TACC2: variants seen among roughly 807,000 people sequenced by gnomAD.
TACC2 encodes the protein transforming acidic coiled-coil containing protein 2, also known as transforming acidic coiled-coil-containing protein 2.
Under a neutral mutation model 227.3 loss-of-function variants are expected in TACC2, and 137 were observed. The observed-to-expected ratio is 0.60, with a 90% CI of 0.52 to 0.69. The LOEUF is 0.69. Ranked by LOEUF, TACC2 falls within the 30% of genes least tolerant of loss-of-function variation. The probability of loss-of-function intolerance (pLI) is 0.00; values close to 1 mark genes in which losing one functional copy is unlikely to be tolerated. For missense variants in TACC2, 3,470 were observed against 3,694.4 expected, an observed-to-expected ratio of 0.94 and a Z score of 1.57; for synonymous variants, 1,523 against 1,487.5, an observed-to-expected ratio of 1.02 and a Z score of -0.55.
At chr10:122,235,409 AT>A (rs2095839112) in intron 16 of TACC2, among the ~76,000 whole-genome samples, 1 of 149,530 alleles carries the variant, frequency 6.7e-6, no homozygotes, top group Admixed American at 6.7e-5. Context: ...TTTATTAAAA[AT>A]TTTTCTAGAG....
chr10:122,208,506 A>T (rs2095200961), intron 8 of TACC2, among the ~76,000 whole-genome samples: 1 of 152,238 alleles, frequency 6.6e-6, no homozygotes, highest in South Asian at 2.1e-4. Context: ...AGACCAGTTC[A>T]GGGGTTAATT....
chr10:122,135,067 T>C (rs2089308349), intron 6 of TACC2, among the ~76,000 whole-genome samples: 2 of 152,204 alleles, frequency 1.3e-5, no homozygotes. Flanking sequence ...TGGGAACTGC[T>C]GTCATGGCTG....
At chr10:122,088,355 A>AT (rs11442094) in intron 4 of TACC2, 123 bp from the exon 5 acceptor site, 261,985 of 759,790 alleles carry the variant, frequency 0.34, 14,063 homozygotes, top group East Asian at 0.5. Flanking sequence ...TTTCCTAGGG[A>AT]TTTTTTTTTT....
At chr10:122,171,162 G>A (rs373850541) in intron 7 of TACC2, among the ~76,000 whole-genome samples, 88 of 152,268 alleles carry the variant, frequency 5.8e-4, no homozygotes, top group African/African-American at 2.1e-3. Flanking sequence ...ATCCGGTGGG[G>A]GTGGTGGGCC....
intron 7 of TACC2, among the ~76,000 whole-genome samples, chr10:122,183,056 T>G (rs2094029065): frequency 6.6e-6 from 1 of 151,930 alleles, no homozygotes; most frequent in Non-Finnish European, 1.5e-5. Context: ...ATACAAAAAG[T>G]TAGATGGGCG....
rs11200386 is a variant in TACC2, at chr10:122,083,964, G to C, written c.1464G>C (p.Glu488Asp). ...KGEHPEGDPG[E>D]VPAPSPQERG... is the part of the protein sequence containing the mutation. ...AGCATCCAGAAGGGGACCCTGGAGA[G>C]GTTCCTGCCCCATCACCCCAGGAGA... Residue 488 changes from glutamate (E) to aspartate (D), a missense_variant, in exon 4 of 23, where the codon GAG (glutamate) becomes GAC (aspartate). Coordinates refer to ENST00000369005, the MANE Select transcript of TACC2 (RefSeq NM_206862.4). 1 of 1,614,010 alleles carries C rather than the reference G, an allele frequency of 6.2e-7. No individual in the cohort carries two copies. Among genetic ancestry groups the C allele is most frequent in the Admixed American group, 1.7e-5 (1 of 60,016 alleles).
intron 2 of TACC2, among the ~76,000 whole-genome samples, chr10:122,035,110 C>T (rs530974999): frequency 9.4e-4 from 143 of 152,252 alleles, no homozygotes; most frequent in African/African-American, 1.9e-3. Flanking sequence ...CAGGCTCCTA[C>T]GGGTGTCCCT....
chr10:122,214,060 C>G (rs2095351310), intron 9 of TACC2, among the ~76,000 whole-genome samples: 1 of 152,132 alleles, frequency 6.6e-6, no homozygotes, highest in African/African-American at 2.4e-5. Flanking sequence ...GCTGCTTTGC[C>G]TCCCATGGCC....
chr10:122,190,999 T>C (rs2094392716), intron 7 of TACC2, among the ~76,000 whole-genome samples: 1 of 152,210 alleles, frequency 6.6e-6, no homozygotes, highest in South Asian at 2.1e-4. Context: ...GACAGGCAGT[T>C]CTGGATTTGA....
At position 122,211,120 on chromosome 10, in the gene TACC2, A is replaced by G; in HGVS notation, c.6695A>G (p.Lys2232Arg). The change falls in exon 9 of 23, where the codon AAA (lysine) becomes AGA (arginine). Residue 2232 changes from lysine to arginine, a missense_variant. This residue lies in a region of TACC2 where 593 missense variants were observed against 636.6 expected (regional missense o/e 0.93). Transcript: ENST00000369005. ...CAGAACTCACCCCCTGTCGGGAGGA[A>G]AACGCTGCCTCTTACCACGGCCCCG... is the stretch of plus-strand genomic sequence containing the variant. ...RVQNSPPVGR[K>R]TLPLTTAPEA... is the part of the protein sequence containing the mutation. 1 of 1,610,198 alleles carries G rather than the reference A, an allele frequency of 6.2e-7. No individual in the cohort carries two copies. The highest frequency in any genetic ancestry group is 1.1e-5 in the South Asian group (1 of 90,304).
At chr10:122,016,566 T>TAAAAA (rs35641018) in intron 1 of TACC2, among the ~76,000 whole-genome samples, 1 of 135,162 alleles carries the variant, frequency 7.4e-6, no homozygotes, top group Admixed American at 7.5e-5. Flanking sequence ...GACTCTGTCT[T>TAAAAA]AAAAAAAAAA....
chr10:122,103,678 T>A (rs1318162795), intron 5 of TACC2, among the ~76,000 whole-genome samples: 1 of 152,170 alleles, frequency 6.6e-6, no homozygotes, highest in Admixed American at 6.5e-5. Flanking sequence ...TTCTTGGTGT[T>A]TGAGTGAATC....
At position 122,032,820 on chromosome 10, in the gene TACC2, G is replaced by T. The variant is rs766065916; in HGVS notation, c.33+10806G>T. 2.0e-5 allele frequency among the ~76,000 whole-genome samples: 3 copies of T among 152,194 alleles called. No individual in the cohort carries two copies. In the East Asian group the frequency reaches 5.8e-4, roughly 29 times the overall value. Reference sequence around the variant, plus strand: ...CTAAAAATACAAAAATTAGCCGGGCGTGGTGGCATGCACCTGTAATCCCAG... The same window carrying T: ...CTAAAAATACAAAAATTAGCCGGGCTTGGTGGCATGCACCTGTAATCCCAG... On this transcript the variant is annotated intron_variant, in intron 2 of 22. Transcript: ENST00000369005.
In TACC2 at chr10:122,050,668, G is replaced by A. The variant is rs760282109; in HGVS notation, c.146+118G>A. ...ACTGGACCCTTAGACACATGGTATC[G>A]TCCTCAGTGGTGAGATGTTCCAAGC... On this transcript the variant is annotated intron_variant, in intron 3 of 22. Transcript: ENST00000369005. The surrounding 1 kb of genome is among the most constrained non-coding windows in gnomAD (Gnocchi z 4.6). 1.9e-5 allele frequency: 14 copies of A among 722,436 alleles called. No individual in the cohort carries two copies. Among genetic ancestry groups the A allele is most frequent in the South Asian group, 1.6e-4 (9 of 56,330 alleles). 44.8% of individuals were successfully genotyped at this position (722,436 alleles called of 1,614,324 possible). A position where few individuals can be genotyped will look rare whatever the true frequency, so the allele number is the denominator to read the frequency against.
chr10:122,024,501 C>T (rs186807965), intron 2 of TACC2, among the ~76,000 whole-genome samples: 63 of 152,238 alleles, frequency 4.1e-4, no homozygotes, highest in Non-Finnish European at 7.8e-4. Context: ...CAGACCATGC[C>T]CGTCACCAGG....
rs150315044 is a variant in TACC2, at chr10:122,087,521, C to G, written c.5021C>G (p.Ala1674Gly). 1.9e-6 allele frequency: 3 copies of G among 1,613,794 alleles called. No individual in the cohort carries two copies. In the African/African-American group the frequency reaches 4.0e-5, roughly 22 times the overall value. Residue 1674 changes from alanine (A) to glycine (G), a missense_variant, in exon 4 of 23, where the codon GCC becomes GGC. Transcript: ENST00000369005. ...GCTGGCATCTTGGAAATGCGAAATG[C>G]CCTGGGCAACCAGAGCACCCCTGCA... ...VTAGILEMRN[A>G]LGNQSTPAPP...
chr10:122,043,568 CTT>C (rs368341292), intron 2 of TACC2, among the ~76,000 whole-genome samples: 17 of 10,128 alleles, frequency 1.7e-3, no homozygotes, highest in South Asian at 0.012. Flanking sequence ...CTCTCTCTCT[CTT>C]TCTTTCTTCC....
chr10:122,157,832 G>T (rs1365984495), intron 7 of TACC2, among the ~76,000 whole-genome samples: 1 of 146,712 alleles, frequency 6.8e-6, no homozygotes, highest in African/African-American at 2.7e-5. Flanking sequence ...AGCCAGCAAT[G>T]GTGTGTTTAA....
chr10:122,167,148 G>A (rs1230621602), intron 7 of TACC2, among the ~76,000 whole-genome samples: 5 of 152,208 alleles, frequency 3.3e-5, no homozygotes, highest in African/African-American at 9.6e-5. Context: ...GAGCAAAAGC[G>A]GTGGTTCTGT....
Sources: gnomAD v4.1 joint callset for allele counts (sites outside exome capture counted in the v4.1 genomes callset) on GRCh38, gnomAD v4.1.1 for gene constraint, gnomAD v4.1.1 regional missense constraint, Gnocchi (gnomAD v3.1) non-coding constraint, MANE v1.5 for transcripts, NCBI Gene and HGNC (gene_info 2026-07-23, HGNC 2026-07-21) for gene names.